NPAS3: variants seen among roughly 807,000 people sequenced by gnomAD.
NPAS3 encodes the protein neuronal PAS domain-containing protein 3.
In NPAS3, 14 loss-of-function variants were observed where a neutral mutation model predicts 73.1. That is an observed-to-expected ratio of 0.19 (90% CI 0.13 to 0.30). The LOEUF (loss-of-function observed/expected upper bound fraction) is 0.30. Among genes scored for constraint, NPAS3 ranks in the 10% least tolerant of loss-of-function variants. The pLI is 1.00. For missense variants in NPAS3, 1,096 were observed against 1,250.0 expected (o/e 0.88, Z 1.86); for synonymous variants, 620 against 541.5 (o/e 1.14, Z -2.01).
At chr14:32,977,351 G>GACACACACACAC (rs1389031338) in intron 1 of NPAS3, among the ~76,000 whole-genome samples, 3 of 9,450 alleles carry the variant, frequency 3.2e-4, no homozygotes, top group African/African-American at 4.3e-4. Flanking sequence ...TTTTGTCTCT[G>GACACACACACAC]ACACGCACAC....
At chr14:33,480,679 C>A (rs1228944375) in intron 4 of NPAS3, among the ~76,000 whole-genome samples, 1 of 151,596 alleles carries the variant, frequency 6.6e-6, no homozygotes, top group Non-Finnish European at 1.5e-5. Context: ...GTGACCCTTT[C>A]CCCTGCAAGT....
intron 3 of NPAS3, among the ~76,000 whole-genome samples, chr14:33,259,003 C>T (rs1419010999): frequency 6.6e-6 from 1 of 152,092 alleles, no homozygotes; most frequent in Non-Finnish European, 1.5e-5. Flanking sequence ...TTAGTAGAGA[C>T]GAGGTTTCAC....
At chr14:33,259,138 G>C (rs1022550333) in intron 3 of NPAS3, among the ~76,000 whole-genome samples, 1 of 152,154 alleles carries the variant, frequency 6.6e-6, no homozygotes, top group African/African-American at 2.4e-5. Flanking sequence ...TTTATACTTA[G>C]GAAAGAATTG....
At chr14:33,721,558 T>C (rs1412727752) in intron 6 of NPAS3, among the ~76,000 whole-genome samples, 1 of 152,172 alleles carries the variant, frequency 6.6e-6, no homozygotes, top group Non-Finnish European at 1.5e-5. Flanking sequence ...ACAGTTAACA[T>C]TAGTAGTAAT....
chr14:33,087,409 C>A (rs11627805), intron 2 of NPAS3, among the ~76,000 whole-genome samples: 50,914 of 151,230 alleles, frequency 0.34, 8,842 homozygotes, highest in African/African-American at 0.44. Flanking sequence ...GTGATTATTA[C>A]CAAGTAGGGA....
At chr14:33,700,877 A>AT (rs2140449410) in intron 6 of NPAS3, among the ~76,000 whole-genome samples, 1 of 152,352 alleles carries the variant, frequency 6.6e-6, no homozygotes, top group Non-Finnish European at 1.5e-5. Flanking sequence ...TTTCGCTACT[A>AT]TCCAAAATAT....
At chr14:33,550,208 G>A (rs1244124538) in intron 4 of NPAS3, among the ~76,000 whole-genome samples, 4 of 151,974 alleles carry the variant, frequency 2.6e-5, no homozygotes, top group South Asian at 2.1e-4. Flanking sequence ...TGTTTGAGAC[G>A]AGGTCTTACT....
At chr14:33,518,234 G>C (rs953020704) in intron 4 of NPAS3, among the ~76,000 whole-genome samples, 1 of 151,964 alleles carries the variant, frequency 6.6e-6, no homozygotes, top group Non-Finnish European at 1.5e-5. Context: ...GAGATGGGTT[G>C]CTCATAAATT....
chr14:33,068,030 T>C (rs2041340306), intron 2 of NPAS3, among the ~76,000 whole-genome samples: 1 of 152,254 alleles, frequency 6.6e-6, no homozygotes, highest in Admixed American at 6.5e-5. Flanking sequence ...CTAACTAGTG[T>C]TCTTATCTCC....
At chr14:33,421,358 A>G (rs1936454395) in intron 4 of NPAS3, among the ~76,000 whole-genome samples, 1 of 151,898 alleles carries the variant, frequency 6.6e-6, no homozygotes, top group Non-Finnish European at 1.5e-5. Context: ...CAACAAAGGA[A>G]TTTTGCCTAG....
intron 3 of NPAS3, among the ~76,000 whole-genome samples, chr14:33,324,549 T>A (rs1319665714): frequency 6.6e-6 from 1 of 152,204 alleles, no homozygotes; most frequent in Non-Finnish European, 1.5e-5. Context: ...ACCTGTTTTA[T>A]TACTGCGAAA....
chr14:33,259,977 C>G (rs2048913572), intron 3 of NPAS3, among the ~76,000 whole-genome samples: 1 of 151,938 alleles, frequency 6.6e-6, no homozygotes, highest in Non-Finnish European at 1.5e-5. Context: ...GGGAGTTGCC[C>G]TGAACAGACA....
At chr14:33,478,165 GTTA>G (rs2051136577) in intron 4 of NPAS3, among the ~76,000 whole-genome samples, 1 of 152,150 alleles carries the variant, frequency 6.6e-6, no homozygotes, top group Non-Finnish European at 1.5e-5. Context: ...TTATGGCAGT[GTTA>G]CGGTGAACTG....
chr14:33,029,897 A>G (rs1295819982), intron 1 of NPAS3, among the ~76,000 whole-genome samples: 1 of 152,232 alleles, frequency 6.6e-6, no homozygotes, highest in Non-Finnish European at 1.5e-5. Flanking sequence ...GCCAATTTAT[A>G]CATTGTGTAC....
chr14:33,701,952 T>G (rs2060535259), intron 6 of NPAS3, among the ~76,000 whole-genome samples: 1 of 152,178 alleles, frequency 6.6e-6, no homozygotes, highest in Non-Finnish European at 1.5e-5. Flanking sequence ...GAGATGGATG[T>G]AGAACCAACT....
intron 5 of NPAS3, among the ~76,000 whole-genome samples, chr14:33,630,227 G>A (rs2058340640): frequency 1.3e-5 from 2 of 152,116 alleles, no homozygotes; most frequent in African/African-American, 4.8e-5. Flanking sequence ...GATCTGTTTG[G>A]AGTGGATAAT....
intron 1 of NPAS3, among the ~76,000 whole-genome samples, chr14:32,948,613 T>C (rs10149308): frequency 0.029 from 4,487 of 152,234 alleles, 193 homozygotes; most frequent in African/African-American, 0.097. Context: ...CATATGATTA[T>C]GGTTCAAAAT....
At chr14:33,368,810 G>T (rs2045954345) in intron 4 of NPAS3, among the ~76,000 whole-genome samples, 1 of 151,952 alleles carries the variant, frequency 6.6e-6, no homozygotes, top group Admixed American at 6.6e-5. Flanking sequence ...ATGTTGTTTG[G>T]AATCTTCATT....
At chr14:33,556,529 G>A (rs2055364407) in intron 4 of NPAS3, among the ~76,000 whole-genome samples, 1 of 152,242 alleles carries the variant, frequency 6.6e-6, no homozygotes, top group Non-Finnish European at 1.5e-5. Flanking sequence ...TCTTGATTGA[G>A]TGGTTGTTAG....
Sources: gnomAD v4.1 joint callset for allele counts (sites outside exome capture counted in the v4.1 genomes callset) on GRCh38, gnomAD v4.1.1 for gene constraint, MANE v1.5 for transcripts, NCBI Gene and HGNC (gene_info 2026-07-23, HGNC 2026-07-21) for gene names.